MRPS22: variants seen among roughly 807,000 people sequenced by gnomAD.
MRPS22 encodes the protein small ribosomal subunit protein mS22.
In MRPS22, 30 loss-of-function variants were observed where a neutral mutation model predicts 44.0. The ratio of observed to expected loss-of-function variants is 0.68; its 90% CI spans 0.51 to 0.93. The LOEUF (loss-of-function observed/expected upper bound fraction) is 0.93. Among genes scored for constraint, MRPS22 ranks in the 40% least tolerant of loss-of-function variants. MRPS22 has a pLI of 0.00. For synonymous variants in MRPS22, 165 were observed against 154.4 expected (o/e 1.07, Z -0.51); for missense variants, 447 against 447.8 (o/e 1.00, Z 0.02).
Position 139,350,978 on chromosome 3 carries a change from CTATG to C in MRPS22, c.654_657del (p.Met218IlefsTer35). ...GCTAACTCTGCTGTGTGGTTTTAGA[CTATG>C]TATAGCCAGGACAGGCATGTTGATG... On this transcript the variant is annotated frameshift_variant and splice_region_variant, in exon 5 of 8. Coordinates refer to ENST00000680020, the MANE Select transcript of MRPS22 (RefSeq NM_020191.4). LOFTEE classifies it high-confidence loss of function. 6.2e-7 allele frequency: 1 copy of C among 1,613,698 alleles called. No homozygotes were observed. Among genetic ancestry groups the C allele is most frequent in the Non-Finnish European group, 8.5e-7 (1 of 1,179,610 alleles).
Position 139,355,796 on chromosome 3 carries a change from G to GT in MRPS22, c.987+15dup, listed in dbSNP as rs372892045. On this transcript the variant is annotated splice_region_variant and intron_variant, in intron 7 of 7. Coordinates refer to ENST00000680020, the MANE Select transcript of MRPS22 (RefSeq NM_020191.4). ...AGGGAATAAATTTAATCAAGGTAAA[G>GT]TTTTTTTTTCATATTGGTTGTTTTG... The GT allele has an allele frequency of 1.0e-3, 1,631 of 1,592,332 alleles. 3 individuals carry two copies. Among genetic ancestry groups the GT allele is most frequent in the Middle Eastern group, 1.5e-3 (9 of 6,012 alleles).
chr3:139,346,635 T>G (rs1941042706), intron 1 of MRPS22, among the ~76,000 whole-genome samples: 1 of 152,228 alleles, frequency 6.6e-6, no homozygotes, highest in African/African-American at 2.4e-5. Flanking sequence ...AATTACTTTA[T>G]TACTGTTACT....
chr3:139,350,260 T>C lies in MRPS22; in HGVS notation c.586T>C (p.Tyr196His), dbSNP rs142569695. 1.9e-6 allele frequency: 3 copies of C among 1,614,050 alleles called. No homozygotes were observed. The highest frequency in any genetic ancestry group is 2.7e-5 in the African/African-American group (2 of 74,938). ...WEERDRMIQV[Y>H]FPKEGRKILT... Reference sequence around the variant, plus strand: ...AGAACGGGACCGAATGATACAAGTTTATTTCCCAAAAGAAGGTCGTAAAAT... The same window carrying C: ...AGAACGGGACCGAATGATACAAGTTCATTTCCCAAAAGAAGGTCGTAAAAT... Residue 196 changes from tyrosine (Y) to histidine (H), a missense_variant, in exon 4 of 8, where the codon TAT (tyrosine) becomes CAT (histidine). Coordinates refer to ENST00000680020, the MANE Select transcript of MRPS22 (RefSeq NM_020191.4).
chr3:139,353,623 C>A (rs1013236399), intron 6 of MRPS22, among the ~76,000 whole-genome samples: 1 of 152,122 alleles, frequency 6.6e-6, no homozygotes, highest in African/African-American at 2.4e-5. Context: ...TTCCACAGAA[C>A]TTATTTTCAG....
rs764689086 is a variant in MRPS22 at position 139,352,802 on chromosome 3, A to G, written c.878+10A>G. 11 of 1,611,996 alleles carry G rather than the reference A, an allele frequency of 6.8e-6. No individual in the cohort carries two copies. Among genetic ancestry groups the G allele is most frequent in the Non-Finnish European group, 9.3e-6 (11 of 1,178,792 alleles). ...AGATTCAGAGAGATTTGTAAGTATG[A>G]TCTTAGTAAGTGAAAGAATCATTCT... On this transcript the variant is annotated intron_variant, in intron 6 of 7. Coordinates refer to ENST00000680020, the MANE Select transcript of MRPS22 (RefSeq NM_020191.4).
intron 1 of MRPS22, among the ~76,000 whole-genome samples, chr3:139,345,438 G>GTTTTTTTTTTTTTTTTTTTT (rs55710231): frequency 8.2e-6 from 1 of 121,646 alleles, no homozygotes; most frequent in Non-Finnish European, 1.6e-5. Context: ...TGCCAGTGGT[G>GTTTTTTTTTTTTTTTTTTTT]TTTTTTTTTT....
intron 5 of MRPS22, 175 bp from the exon 6 acceptor site, chr3:139,352,472 G>T (rs1941169504): frequency 6.8e-6 from 4 of 588,710 alleles, no homozygotes; most frequent in African/African-American, 1.9e-5. Context: ...CCCACCTAAG[G>T]TGGGTTGTAC....
At position 139,344,050 on chromosome 3, in the gene MRPS22, A is replaced by G. The variant is rs749930286; in HGVS notation, c.24A>G (p.Val8=). Residue 8 remains valine (V), a synonymous_variant, in exon 1 of 8, where the codon GTA becomes GTG. Coordinates refer to ENST00000680020, the MANE Select transcript of MRPS22 (RefSeq NM_020191.4). ...TCATGGCGCCCCTCGGAACAACTGT[A>G]TTGCTGTGGAGCCTCTTGAGGAGTT... MAPLGTT[V]LLWSLLRSSP... 1.4e-5 allele frequency: 22 copies of G among 1,613,944 alleles called. No individual in the cohort carries two copies. Among genetic ancestry groups the G allele is most frequent in the Admixed American group, 1.7e-5 (1 of 60,002 alleles).
Position 139,353,271 on chromosome 3 carries a change from G to T in MRPS22, c.878+479G>T, listed in dbSNP as rs534484710. On this transcript the variant is annotated intron_variant, in intron 6 of 7. Transcript: ENST00000680020. ...ATGAAAAAGTTAGCTTCTTTTCAGA[G>T]TAGCATGAAACAAAAAATACCTGTT... Among the ~76,000 whole-genome samples the T allele has an allele frequency of 2.0e-5, 3 of 152,276 alleles. No individual in the cohort carries two copies. In the East Asian group the frequency reaches 5.8e-4, roughly 29 times the overall value.
chr3:139,347,452 C>A (rs1294931829), intron 2 of MRPS22, among the ~76,000 whole-genome samples: 1 of 152,140 alleles, frequency 6.6e-6, no homozygotes. Flanking sequence ...ACCATGGGTA[C>A]TGAGTGCTGC....
chr3:139,347,872 C>T (rs2107787816), intron 2 of MRPS22, among the ~76,000 whole-genome samples: 1 of 152,328 alleles, frequency 6.6e-6, no homozygotes, highest in African/African-American at 2.4e-5. Context: ...CACCCCAAAA[C>T]TGCATTCTTT....
intron 1 of MRPS22, among the ~76,000 whole-genome samples, chr3:139,345,820 G>A (rs1317731458): frequency 6.6e-6 from 1 of 152,108 alleles, no homozygotes; most frequent in African/African-American, 2.4e-5. Flanking sequence ...GAGAGGTTGA[G>A]TAATTGGATG....
rs1423740268 is a variant in MRPS22, at chr3:139,352,663, A to G, written c.749A>G (p.Tyr250Cys). ...TGTGGATAGGTTCATCACAAGACCT[A>G]TGAAGATATAGATAAACGTGGAAAA... ...TEYIKVHHKT[Y>C]EDIDKRGKYD... The change falls in exon 6 of 8, where the codon TAT becomes TGT. Residue 250 changes from tyrosine to cysteine, a missense_variant. Transcript: ENST00000680020. 2 of 1,613,500 alleles carry G rather than the reference A, an allele frequency of 1.2e-6. No homozygotes were observed. The highest frequency in any genetic ancestry group is 1.7e-6 in the Non-Finnish European group (2 of 1,179,484).
chr3:139,351,279 C>T (rs1250002943), intron 5 of MRPS22: 1 of 527,074 alleles, frequency 1.9e-6, no homozygotes, highest in African/African-American at 1.9e-5. Flanking sequence ...AATTAAGTAG[C>T]TTGCTGAAAG....
intron 5 of MRPS22, 42 bp from the exon 6 acceptor site, chr3:139,352,605 C>G (rs922090435): frequency 6.3e-7 from 1 of 1,588,012 alleles, no homozygotes; most frequent in African/African-American, 1.3e-5. Context: ...CTGCATACTT[C>G]TTATTTTCAT....
intron 3 of MRPS22, 129 bp from the exon 4 acceptor site, chr3:139,350,050 T>C (rs974229282): frequency 1.9e-6 from 2 of 1,043,974 alleles, no homozygotes; most frequent in Non-Finnish European, 2.9e-6. Flanking sequence ...AAAATTATCA[T>C]TGATCTCATA....
chr3:139,349,691 C>G (rs1941110020), intron 3 of MRPS22, among the ~76,000 whole-genome samples: 1 of 152,192 alleles, frequency 6.6e-6, no homozygotes, highest in Non-Finnish European at 1.5e-5. Context: ...CAGACAGCCT[C>G]TCAGACATGT....
chr3:139,349,358 C>G lies in MRPS22; in HGVS notation c.505-821C>G, dbSNP rs1353220202. The G allele has an allele frequency of 8.9e-6, 4 of 447,606 alleles. No individual in the cohort carries two copies. The East Asian group carries it at 2.8e-4, about 31-fold the overall frequency. 27.7% of individuals were successfully genotyped at this position (447,606 alleles called of 1,614,324 possible). The stretch of plus-strand genomic sequence containing the variant: ...ATGGAAGTTTCATCTATGTTATCTT[C>G]AGAACACATTTAGAGACTCCTACAC... On this transcript the variant is annotated intron_variant, in intron 3 of 7. Coordinates refer to ENST00000680020, the MANE Select transcript of MRPS22 (RefSeq NM_020191.4).
chr3:139,356,858 G>C, intron 7 of MRPS22, 61 bp from the exon 8 acceptor site: 1 of 1,291,382 alleles, frequency 7.7e-7, no homozygotes, highest in Non-Finnish European at 1.1e-6. Flanking sequence ...TCTTAAAACT[G>C]AAAAACTTTA....
Sources: gnomAD v4.1 joint callset for allele counts (sites outside exome capture counted in the v4.1 genomes callset) on GRCh38, gnomAD v4.1.1 for gene constraint, MANE v1.5 for transcripts, NCBI Gene and HGNC (gene_info 2026-07-23, HGNC 2026-07-21) for gene names.